The following CCNJL variants were observed in gnomAD, a reference collection of about 807,000 sequenced individuals.
CCNJL encodes cyclin-J-like protein.
CCNJL carries 33 observed loss-of-function variants against 33.4 expected under a neutral mutation model. That is an observed-to-expected ratio of 0.99 (90% CI 0.75 to 1.32). The LOEUF (loss-of-function observed/expected upper bound fraction) is 1.32. Among genes scored for constraint, CCNJL ranks in the 40% most tolerant of loss-of-function variants. The pLI is 0.00. For synonymous variants in CCNJL, 227 were observed against 220.9 expected, an observed-to-expected ratio of 1.03 and a Z score of -0.24; for missense variants, 512 against 499.7, an observed-to-expected ratio of 1.02 and a Z score of -0.23.
At chr5:160,256,787 G>A (rs1761082342) in intron 4 of CCNJL, among the ~76,000 whole-genome samples, 1 of 151,486 alleles carries the variant, frequency 6.6e-6, no homozygotes, top group African/African-American at 2.4e-5. Flanking sequence ...GCGTGGTGGT[G>A]GGCGCCTGTA....
At position 160,253,579 on chromosome 5, in the gene CCNJL, C is replaced by A. The variant is rs374113107; in HGVS notation, c.963G>T (p.Leu321=). 6.2e-7 allele frequency: 1 copy of A among 1,614,134 alleles called. No homozygotes were observed. Among genetic ancestry groups the A allele is most frequent in the Non-Finnish European group, 8.5e-7 (1 of 1,180,014 alleles). Residue 321 remains leucine (L), a synonymous_variant, in exon 6 of 6, where the codon CTG becomes CTT. Coordinates refer to ENST00000257536, the MANE Select transcript of CCNJL (RefSeq NM_001308173.3). ...DSLQAHRSGS[L]LSGSTGSSLH... is the part of the protein sequence containing the mutation. ...GGGATGAGCCTGTACTCCCCGAGAG[C>A]AGGCTCCCTGAACGGTGGGCCTGCA...
Position 160,293,848 on chromosome 5 carries a change from C to T in CCNJL, c.67-13110G>A, listed in dbSNP as rs149367278. ...GGGTATGACAATACTTGGAGGGCGA[C>T]AACCACTTCGTAAACAGCTCAAGGT... On this transcript the variant is annotated intron_variant, in intron 2 of 5. Coordinates refer to ENST00000257536, the MANE Select transcript of CCNJL (RefSeq NM_001308173.3). Among the ~76,000 whole-genome samples the T allele has an allele frequency of 1.6e-3, 239 of 152,252 alleles. 1 individual carries two copies. The highest frequency in any genetic ancestry group is 5.5e-3 in the African/African-American group (230 of 41,524).
At chr5:160,283,729 A>G (rs1206012279) in intron 2 of CCNJL, among the ~76,000 whole-genome samples, 1 of 152,040 alleles carries the variant, frequency 6.6e-6, no homozygotes, top group African/African-American at 2.4e-5. Context: ...TTCTTTATAT[A>G]TTTTTTGTAC....
At chr5:160,259,399 G>T in intron 4 of CCNJL, 70 bp downstream of exon 4, 1 of 1,446,704 alleles carries the variant, frequency 6.9e-7, no homozygotes, top group South Asian at 1.3e-5. Context: ...GCCTTTTAGA[G>T]CCGCCTGACC....
At chr5:160,329,572 A>G (rs1486653803) in intron 1 of CCNJL, among the ~76,000 whole-genome samples, 1 of 152,010 alleles carries the variant, frequency 6.6e-6, no homozygotes, top group Non-Finnish European at 1.5e-5. Context: ...GATGATCTCG[A>G]TCTCCTGACC....
chr5:160,280,636 G>A lies in CCNJL; in HGVS notation c.169C>T (p.Pro57Ser). 1 of 1,613,568 alleles carries A rather than the reference G, an allele frequency of 6.2e-7. No individual in the cohort carries two copies. The highest frequency in any genetic ancestry group is 8.5e-7 in the Non-Finnish European group (1 of 1,179,934). The change falls in exon 3 of 6, where the codon CCT becomes TCT. Residue 57 changes from proline (P) to serine (S), a missense_variant. Physicochemically the swap from Pro to Ser is moderately conservative, Grantham distance 74. Coordinates refer to ENST00000257536, the MANE Select transcript of CCNJL (RefSeq NM_001308173.3). ...TAGACGGCCAGGTGCCGGGCTGCAG[G>A]GCAGAGCTGGCAGTGGCTGCTCAGC... Reference protein sequence around the residue: ...TLLSSHCQLCPAARHLAVYLL... With the variant: ...TLLSSHCQLCSAARHLAVYLL...
At chr5:160,292,944 T>TTG (rs1297198385) in intron 2 of CCNJL, among the ~76,000 whole-genome samples, 1 of 152,200 alleles carries the variant, frequency 6.6e-6, no homozygotes, top group Non-Finnish European at 1.5e-5. Context: ...CCAGCATCCC[T>TTG]ACATTACAGA....
intron 1 of CCNJL, among the ~76,000 whole-genome samples, chr5:160,335,036 G>A (rs1288459326): frequency 6.6e-6 from 1 of 152,242 alleles, no homozygotes; most frequent in African/African-American, 2.4e-5. Flanking sequence ...GCCAAGGTGG[G>A]CAGATCACTT....
At chr5:160,306,623 C>G (rs1254456097) in intron 2 of CCNJL, among the ~76,000 whole-genome samples, 2 of 152,204 alleles carry the variant, frequency 1.3e-5, no homozygotes, top group African/African-American at 4.8e-5. Flanking sequence ...CTTCTACACA[C>G]TCATGAAGCC....
chr5:160,299,190 C>G (rs1339107725), intron 2 of CCNJL, among the ~76,000 whole-genome samples: 5 of 151,884 alleles, frequency 3.3e-5, no homozygotes, highest in Non-Finnish European at 7.4e-5. Flanking sequence ...CCTCTTGTTG[C>G]CCAGGCTGGA....
Position 160,249,762 on chromosome 5 carries a change from CAAAAAATAAATA to C in CCNJL, c.*3604_*3615del, listed in dbSNP as rs1760756183. ...TGGGCCACAGAGTGAGACCCTGTTT[CAAAAAATAAATA>C]AATAAATAAATAAATAAATAAATAA... On this transcript the variant is annotated 3_prime_UTR_variant, in exon 6 of 6. Coordinates refer to ENST00000257536, the MANE Select transcript of CCNJL (RefSeq NM_001308173.3). 8.3e-6 allele frequency: 1 copy of C among 121,026 alleles called. No homozygotes were observed. The highest frequency in any genetic ancestry group is 3.2e-5 in the African/African-American group (1 of 31,544). 7.5% of individuals were successfully genotyped at this position (121,026 alleles called of 1,614,324 possible).
chr5:160,303,064 G>A (rs1762974632), intron 2 of CCNJL, among the ~76,000 whole-genome samples: 1 of 152,114 alleles, frequency 6.6e-6, no homozygotes, highest in African/African-American at 2.4e-5. Flanking sequence ...ACATTCATGT[G>A]TTATCTGTTC....
intron 3 of CCNJL, among the ~76,000 whole-genome samples, chr5:160,263,991 C>G (rs114080960): frequency 0.014 from 2,142 of 148,134 alleles, 58 homozygotes; most frequent in African/African-American, 0.05. Context: ...GTCGCACAAG[C>G]TGGAGTGCAA....
chr5:160,308,946 C>T (rs1342065985), intron 2 of CCNJL, among the ~76,000 whole-genome samples: 3 of 152,166 alleles, frequency 2.0e-5, no homozygotes. Flanking sequence ...GTGCAAAGAC[C>T]CTGAGACATG....
intron 2 of CCNJL, among the ~76,000 whole-genome samples, chr5:160,286,732 TGGAAG>T (rs895910448): frequency 6.6e-6 from 1 of 152,144 alleles, no homozygotes; most frequent in African/African-American, 2.4e-5. Context: ...TACAGCGTGC[TGGAAG>T]GGGCTGGTCT....
chr5:160,310,679 T>C (rs2113456818), intron 2 of CCNJL, among the ~76,000 whole-genome samples: 1 of 152,278 alleles, frequency 6.6e-6, no homozygotes, highest in Non-Finnish European at 1.5e-5. Flanking sequence ...TCAGATGTAA[T>C]TAAATTATGA....
chr5:160,282,981 A>ATATG (rs1554120728), intron 2 of CCNJL, among the ~76,000 whole-genome samples: 30 of 55,334 alleles, frequency 5.4e-4, no homozygotes, highest in African/African-American at 2.4e-3. Flanking sequence ...ATATATATAT[A>ATATG]TATATATATA....
chr5:160,269,347 T>G (rs1276547964), intron 3 of CCNJL: 1 of 451,706 alleles, frequency 2.2e-6, no homozygotes, highest in Non-Finnish European at 4.5e-6. Context: ...ATAGCTGGCA[T>G]CTGGGGCCTG....
intron 2 of CCNJL, among the ~76,000 whole-genome samples, chr5:160,285,049 G>A (rs1386924506): frequency 6.6e-6 from 1 of 151,960 alleles, no homozygotes; most frequent in African/African-American, 2.4e-5. Context: ...AATTAGCTGG[G>A]CATGGTGGCA....
Sources: allele counts gnomAD v4.1 joint callset (sites outside exome capture counted in the v4.1 genomes callset), GRCh38; gene constraint gnomAD v4.1.1; transcripts MANE v1.5; gene names NCBI Gene and HGNC (gene_info 2026-07-23, HGNC 2026-07-21).